Variants in PNPLA4 observed in about 807,000 individuals in gnomAD.
PNPLA4 encodes patatin-like phospholipase domain-containing protein 4.
PNPLA4 carries 15 observed loss-of-function variants against 18.3 expected under a neutral mutation model. The ratio of observed to expected loss-of-function variants is 0.82; its 90% CI spans 0.55 to 1.26. PNPLA4 has a LOEUF of 1.26. PNPLA4 is among the 50% of genes most tolerant of loss of function. The probability of loss-of-function intolerance (pLI) is 0.00; values close to 1 mark genes in which losing one functional copy is unlikely to be tolerated. For synonymous variants in PNPLA4, 88 were observed against 85.6 expected (o/e 1.03, Z -0.16); for missense variants, 229 against 196.8 (o/e 1.16, Z -0.98).
intron 5 of PNPLA4, among the ~76,000 whole-genome samples, chrX:7,910,193 T>C (rs1371616350): frequency 8.9e-6 from 1 of 112,071 alleles, no homozygotes; most frequent in African/African-American, 3.2e-5. Context: ...AAAACATACA[T>C]TCTCCATATT....
intron 2 of PNPLA4, among the ~76,000 whole-genome samples, chrX:7,924,228 G>A (rs1453118671): frequency 6.3e-5 from 7 of 111,542 alleles, no homozygotes; most frequent in Non-Finnish European, 1.9e-5. Flanking sequence ...CTTAAAATAT[G>A]CCCAGTATCA....
At chrX:7,906,154 T>C (rs2146753677) in intron 5 of PNPLA4, among the ~76,000 whole-genome samples, 1 of 112,054 alleles carries the variant, frequency 8.9e-6, no homozygotes, top group South Asian at 3.7e-4. Context: ...ATTGCTTTCA[T>C]GAGATAGCCT....
At chrX:7,909,869 G>A (rs4831048) in intron 5 of PNPLA4, among the ~76,000 whole-genome samples, 10,376 of 111,262 alleles carry the variant, frequency 0.093, 566 homozygotes, top group East Asian at 0.41. Flanking sequence ...TGCAAGGGAA[G>A]CTGGGATGTA....
intron 4 of PNPLA4, among the ~76,000 whole-genome samples, chrX:7,918,295 A>G (rs1332767820): frequency 9.0e-6 from 1 of 111,704 alleles, no homozygotes; most frequent in Non-Finnish European, 1.9e-5. Flanking sequence ...AGGCCTCACA[A>G]TCGTGGTGGA....
Position 7,905,830 on chromosome X carries a change from C to A in PNPLA4, c.478-3689G>T, listed in dbSNP as rs1157759581. Among the ~76,000 whole-genome samples, 4 of 112,170 alleles carry A rather than the reference C, an allele frequency of 3.6e-5. No individual in the cohort carries two copies. In the East Asian group the frequency reaches 1.1e-3, roughly 31 times the overall value. On this transcript the variant is annotated intron_variant, in intron 5 of 6. Transcript: ENST00000381042. ...TTCAGTAAATAAAATTTTATTGGCA[C>A]ATGACCAGGACCTTTTGTTGAGATA...
chrX:7,912,500 G>C (rs757620985), intron 4 of PNPLA4, among the ~76,000 whole-genome samples: 1 of 111,975 alleles, frequency 8.9e-6, no homozygotes, highest in East Asian at 2.8e-4. Flanking sequence ...ATTATGACAG[G>C]AGAGATTAGT....
chrX:7,921,836 C>T lies in PNPLA4; in HGVS notation c.288G>A (p.Glu96=). ...DFMARLRSGM[E]SILPPSAHEL... ...CGTGAGCGCTGGGAGGAAGAATCGACTCCATCCCACTTCTAAAGAAGAAAA... is the reference window on the plus strand; with the variant it reads ...CGTGAGCGCTGGGAGGAAGAATCGATTCCATCCCACTTCTAAAGAAGAAAA... The change falls in exon 4 of 7, where the codon GAG becomes GAA. Residue 96 remains glutamate, a synonymous_variant. Transcript: ENST00000381042. The T allele has an allele frequency of 1.7e-6, 2 of 1,208,307 alleles. No individual in the cohort carries two copies. Among genetic ancestry groups the T allele is most frequent in the Non-Finnish European group, 2.2e-6 (2 of 892,978 alleles).
intron 1 of PNPLA4, among the ~76,000 whole-genome samples, chrX:7,926,634 C>T (rs764036016): frequency 1.8e-5 from 2 of 111,793 alleles, no homozygotes; most frequent in South Asian, 7.6e-4. Flanking sequence ...ATTGTGAGCA[C>T]CCATGCTTTT....
At chrX:7,922,528 C>T (rs946164768) in intron 2 of PNPLA4, among the ~76,000 whole-genome samples, 3 of 112,162 alleles carry the variant, frequency 2.7e-5, no homozygotes, top group South Asian at 3.7e-4. Flanking sequence ...GGAGTAGTGA[C>T]GTCTATGGTT....
chrX:7,915,309 G>C (rs1009768922), intron 4 of PNPLA4, among the ~76,000 whole-genome samples: 2 of 15,871 alleles, frequency 1.3e-4, no homozygotes, highest in African/African-American at 8.0e-4. Context: ...GTGGAGGGTG[G>C]GGGGGGGGGT....
Position 7,901,600 on chromosome X carries a change from A to G in PNPLA4, c.630+389T>C, listed in dbSNP as rs148832925. On this transcript the variant is annotated intron_variant, in intron 6 of 6. Transcript: ENST00000381042. The stretch of plus-strand genomic sequence containing the variant: ...ACACCCTCTCTCAAAGAAGAAAAAA[A>G]TTGCTCTGATATCCTACCAAGTTTA... 3.1e-3 allele frequency among the ~76,000 whole-genome samples: 345 copies of G among 111,269 alleles called. 1 individual carries two copies. Among genetic ancestry groups the G allele is most frequent in the African/African-American group, 0.011 (327 of 30,541 alleles).
At chrX:7,922,248 C>A in intron 2 of PNPLA4, 150 bp from the exon 3 acceptor site, 1 of 476,167 alleles carries the variant, frequency 2.1e-6, no homozygotes. Flanking sequence ...CGGGGCCTCA[C>A]CCACCACTCT....
At chrX:7,925,919 C>T (rs1199310368) in intron 2 of PNPLA4, 21 bp downstream of exon 2, 1 of 1,194,268 alleles carries the variant, frequency 8.4e-7, no homozygotes, top group Admixed American at 2.2e-5. Context: ...AGGAACACAG[C>T]CTAAGTTACT....
At chrX:7,906,367 T>C (rs1301083458) in intron 5 of PNPLA4, among the ~76,000 whole-genome samples, 3 of 111,820 alleles carry the variant, frequency 2.7e-5, no homozygotes, top group Non-Finnish European at 5.6e-5. Context: ...AAACCTGCCA[T>C]ACTAACCTCT....
upstream of PNPLA4, chrX:7,927,525 C>T (rs1485730200): frequency 8.8e-6 from 1 of 113,555 alleles, no homozygotes; most frequent in East Asian, 2.8e-4. Flanking sequence ...CTCAACCTGG[C>T]CGCTAGACCG....
chrX:7,909,756 CA>C (rs1923817574), intron 5 of PNPLA4, among the ~76,000 whole-genome samples: 1 of 110,073 alleles, frequency 9.1e-6, no homozygotes, highest in Non-Finnish European at 1.9e-5. Context: ...TTCTGGGCAA[CA>C]GGAAAAATGG....
At chrX:7,901,347 C>T (rs774151610) in intron 6 of PNPLA4, among the ~76,000 whole-genome samples, 12 of 111,688 alleles carry the variant, frequency 1.1e-4, no homozygotes, top group Admixed American at 7.6e-4. Context: ...TTTGAGAGGC[C>T]GAGGCAGGTG....
chrX:7,905,158 T>C (rs1467096035), intron 5 of PNPLA4, among the ~76,000 whole-genome samples: 1 of 112,283 alleles, frequency 8.9e-6, no homozygotes, highest in Non-Finnish European at 1.9e-5. Flanking sequence ...TGCCCAATTG[T>C]GGGGCAGACA....
chrX:7,907,878 T>C (rs1224210064), intron 5 of PNPLA4, among the ~76,000 whole-genome samples: 1 of 92,292 alleles, frequency 1.1e-5, no homozygotes, highest in Non-Finnish European at 2.1e-5. Context: ...CATGCCACTA[T>C]GCCTGGCTAA....
Sources: allele counts gnomAD v4.1 joint callset (sites outside exome capture counted in the v4.1 genomes callset), GRCh38; gene constraint gnomAD v4.1.1; transcripts MANE v1.5; gene names NCBI Gene and HGNC (gene_info 2026-07-23, HGNC 2026-07-21).